DIAPH3: variants seen among roughly 807,000 people sequenced by gnomAD.
The protein encoded by DIAPH3 is diaphanous related formin 3, also known as protein diaphanous homolog 3.
A neutral mutation model predicts 144.3 loss-of-function variants in DIAPH3; 117 were observed. The observed-to-expected ratio is 0.81, with a 90% CI of 0.70 to 0.95. DIAPH3 has a LOEUF of 0.95. Among genes scored for constraint, DIAPH3 ranks in the 40% least tolerant of loss-of-function variants. The pLI is 0.00. For missense variants in DIAPH3, 1,421 were observed against 1,412.7 expected, an observed-to-expected ratio of 1.01 and a Z score of -0.09; for synonymous variants, 519 against 488.9, an observed-to-expected ratio of 1.06 and a Z score of -0.81.
At chr13:59,844,983 T>A (rs1478979529) in intron 22 of DIAPH3, among the ~76,000 whole-genome samples, 1 of 152,140 alleles carries the variant, frequency 6.6e-6, no homozygotes, top group African/African-American at 2.4e-5. Context: ...AGTACTTAAT[T>A]CCTTCCTGAC....
At chr13:59,943,883 C>T (rs978828324) in intron 17 of DIAPH3, among the ~76,000 whole-genome samples, 1 of 151,968 alleles carries the variant, frequency 6.6e-6, no homozygotes, top group Non-Finnish European at 1.5e-5. Flanking sequence ...TTAATAATAA[C>T]AATTACTACT....
chr13:59,920,647 G>A (rs1224784440), intron 18 of DIAPH3, among the ~76,000 whole-genome samples: 1 of 151,578 alleles, frequency 6.6e-6, no homozygotes, highest in Non-Finnish European at 1.5e-5. Flanking sequence ...ACAATATTAG[G>A]AGACTTCAAT....
intron 27 of DIAPH3, among the ~76,000 whole-genome samples, chr13:59,736,632 A>G (rs1262132986): frequency 6.6e-6 from 1 of 152,182 alleles, no homozygotes. Flanking sequence ...TACCATTGAC[A>G]TTCTTCACAG....
At chr13:59,759,689 G>A (rs982760402) in intron 27 of DIAPH3, among the ~76,000 whole-genome samples, 14 of 152,016 alleles carry the variant, frequency 9.2e-5, no homozygotes, top group Non-Finnish European at 1.3e-4. Flanking sequence ...GAAAGTGGCT[G>A]GGCACAGTGG....
chr13:59,860,619 T>C (rs1168173779), intron 22 of DIAPH3, among the ~76,000 whole-genome samples: 1 of 151,962 alleles, frequency 6.6e-6, no homozygotes, highest in African/African-American at 2.4e-5. Flanking sequence ...GTGCCTGTAG[T>C]CCCAGCTACT....
At chr13:60,007,837 A>G (rs1026950069) in intron 9 of DIAPH3, among the ~76,000 whole-genome samples, 2 of 152,174 alleles carry the variant, frequency 1.3e-5, no homozygotes, top group Non-Finnish European at 2.9e-5. Flanking sequence ...GGGTTTCCTT[A>G]TTATTCACGT....
At chr13:60,057,709 G>C (rs912930591) in intron 4 of DIAPH3, among the ~76,000 whole-genome samples, 7 of 151,706 alleles carry the variant, frequency 4.6e-5, no homozygotes, top group African/African-American at 1.7e-4. Flanking sequence ...CACAGACCAA[G>C]GGAACAGCAT....
chr13:59,706,330 C>T (rs907963562), intron 27 of DIAPH3, among the ~76,000 whole-genome samples: 6 of 152,092 alleles, frequency 3.9e-5, no homozygotes, highest in African/African-American at 1.2e-4. Flanking sequence ...TCTTTTACAT[C>T]ATATAATTTT....
chr13:59,817,632 T>A (rs1427506713), intron 24 of DIAPH3, among the ~76,000 whole-genome samples: 1 of 151,898 alleles, frequency 6.6e-6, no homozygotes. Flanking sequence ...CTTTAAAAAA[T>A]TTATTGTGAT....
chr13:59,817,902 ATCTC>A (rs1413686581), intron 24 of DIAPH3, among the ~76,000 whole-genome samples: 1 of 151,878 alleles, frequency 6.6e-6, no homozygotes, highest in African/African-American at 2.4e-5. Context: ...CAAATTCTAA[ATCTC>A]TCTCACTCAA....
intron 27 of DIAPH3, among the ~76,000 whole-genome samples, chr13:59,770,179 G>T (rs984443724): frequency 1.3e-5 from 2 of 152,078 alleles, no homozygotes; most frequent in African/African-American, 4.8e-5. Context: ...GGAGGAGATG[G>T]GAAGCGGTTA....
chr13:59,941,781 AG>A (rs1412268485), intron 17 of DIAPH3, among the ~76,000 whole-genome samples: 1 of 152,166 alleles, frequency 6.6e-6, no homozygotes, highest in Non-Finnish European at 1.5e-5. Context: ...CAACTCAATT[AG>A]GAAAAAAAAT....
chr13:60,064,263 T>G (rs989901175), intron 4 of DIAPH3, among the ~76,000 whole-genome samples: 1 of 152,198 alleles, frequency 6.6e-6, no homozygotes, highest in African/African-American at 2.4e-5. Flanking sequence ...TTTGAAGCAT[T>G]AAAGAAAGAC....
At chr13:60,162,809 T>TCTCTCACACA (rs1555388530) in intron 1 of DIAPH3, among the ~76,000 whole-genome samples, 6 of 122,426 alleles carry the variant, frequency 4.9e-5, no homozygotes, top group Non-Finnish European at 1.0e-4. Flanking sequence ...TCTCTCTCTC[T>TCTCTCACACA]CACACACACA....
chr13:59,827,434 A>T (rs2041504209), intron 24 of DIAPH3, among the ~76,000 whole-genome samples: 2 of 152,056 alleles, frequency 1.3e-5, no homozygotes, highest in African/African-American at 4.8e-5. Context: ...GAAATAGATT[A>T]CCCGTAAGGA....
At chr13:59,812,685 G>T (rs2040548637) in intron 24 of DIAPH3, among the ~76,000 whole-genome samples, 1 of 152,116 alleles carries the variant, frequency 6.6e-6, no homozygotes, top group South Asian at 2.1e-4. Flanking sequence ...TAATGCAAAG[G>T]TTGCTGTTGG....
chr13:60,156,940 T>TATATATATATATATATATATATATATATA (rs58923567), intron 1 of DIAPH3, among the ~76,000 whole-genome samples: 4 of 27,920 alleles, frequency 1.4e-4, no homozygotes, highest in Admixed American at 1.0e-3. Flanking sequence ...TATATATATA[T>TATATATATATATATATATATATATATATA]TTTTTTTTTT....
At chr13:60,046,157 T>C (rs1259820685) in intron 4 of DIAPH3, among the ~76,000 whole-genome samples, 1 of 152,166 alleles carries the variant, frequency 6.6e-6, no homozygotes. Context: ...TTCCATGAAA[T>C]GAGAGCTAAC....
At chr13:60,103,688 C>A (rs1260729404) in intron 3 of DIAPH3, among the ~76,000 whole-genome samples, 2 of 152,112 alleles carry the variant, frequency 1.3e-5, no homozygotes, top group Non-Finnish European at 2.9e-5. Context: ...GGGTTAAAGC[C>A]AACATAATTA....
Sources: allele counts gnomAD v4.1 joint callset (sites outside exome capture counted in the v4.1 genomes callset), GRCh38; gene constraint gnomAD v4.1.1; transcripts MANE v1.5; gene names NCBI Gene and HGNC (gene_info 2026-07-23, HGNC 2026-07-21).